Variants in OSGIN1 observed in about 807,000 individuals in gnomAD.
The protein encoded by OSGIN1 is oxidative stress-induced growth inhibitor 1.
In OSGIN1, 19 loss-of-function variants were observed where a neutral mutation model predicts 20.1. The ratio of observed to expected loss-of-function variants is 0.95; its 90% confidence interval spans 0.66 to 1.39. The LOEUF is 1.39. Ranked by LOEUF, OSGIN1 falls within the 40% of genes most tolerant of loss-of-function variation. OSGIN1 has a pLI of 0.00. For synonymous variants in OSGIN1, 368 were observed against 297.8 expected (o/e 1.24, Z -2.43); for missense variants, 820 against 653.0 (o/e 1.26, Z -2.79).
At chr16:83,962,332 A>G (rs999435278) in intron 5 of OSGIN1, among the ~76,000 whole-genome samples, 4 of 152,108 alleles carry the variant, frequency 2.6e-5, no homozygotes, top group African/African-American at 7.2e-5. Context: ...TCCGCCTCCC[A>G]GGTTCAAGCC....
chr16:83,957,702 G>T lies in OSGIN1; in HGVS notation c.31G>T (p.Ala11Ser), dbSNP rs781547435. Reference protein sequence around the residue: MSSSRKDHLGASSSEPLPVII... With the variant: MSSSRKDHLGSSSSEPLPVII... ...CTCCTCCAGAAAGGACCACCTCGGC[G>T]CCAGCAGCTCAGAGCCCCTCCCGGT... The change falls in exon 2 of 6, where the codon GCC becomes TCC. Residue 11 changes from alanine (A) to serine (S), a missense_variant. Transcript: ENST00000393306. 1 of 1,605,986 alleles carries T rather than the reference G, an allele frequency of 6.2e-7. No individual in the cohort carries two copies. Among genetic ancestry groups the T allele is most frequent in the Non-Finnish European group, 8.5e-7 (1 of 1,176,030 alleles).
intron 1 of OSGIN1, among the ~76,000 whole-genome samples, chr16:83,956,308 C>G (rs1164164444): frequency 1.3e-5 from 2 of 152,226 alleles, no homozygotes; most frequent in Non-Finnish European, 2.9e-5. Context: ...GTTTGGTTGG[C>G]CTTTTAAGCA....
chr16:83,955,675 A>G (rs1346817187), intron 1 of OSGIN1, among the ~76,000 whole-genome samples: 2 of 152,230 alleles, frequency 1.3e-5, no homozygotes, highest in African/African-American at 2.4e-5. Context: ...AATGTCAGCC[A>G]CATGCTGTCT....
At chr16:83,954,471 A>C (rs1461537064) in intron 1 of OSGIN1, 1 of 152,278 alleles carries the variant, frequency 6.6e-6, no homozygotes, top group Non-Finnish European at 1.5e-5. Flanking sequence ...TAACATTAAA[A>C]ATTGATTCTT....
At chr16:83,961,110 G>A (rs768350181) in intron 5 of OSGIN1, 38 bp downstream of exon 5, 3 of 1,524,928 alleles carry the variant, frequency 2.0e-6, no homozygotes, top group South Asian at 2.2e-5. Context: ...GACACGGAAG[G>A]TTGGGCCTGT....
In OSGIN1 at chr16:83,965,281, G is replaced by A. The variant is rs369018666; in HGVS notation, c.708G>A (p.Ser236=). Residue 236 remains serine, a synonymous_variant, in exon 6 of 6, where the codon TCG becomes TCA. Transcript: ENST00000393306. ...GGAACCAGGCCCAGCAGCCCTTCTC[G>A]CTGTGGGCCCGCAACGTGGTCCTCG... ...LTRNQAQQPF[S]LWARNVVLAT... The A allele has an allele frequency of 9.3e-6, 15 of 1,604,872 alleles. No individual in the cohort carries two copies. Among genetic ancestry groups the A allele is most frequent in the Admixed American group, 8.4e-5 (5 of 59,604 alleles).
chr16:83,963,022 C>G (rs1407572801), intron 5 of OSGIN1, among the ~76,000 whole-genome samples: 3 of 152,148 alleles, frequency 2.0e-5, no homozygotes, highest in African/African-American at 7.2e-5. Flanking sequence ...TGAGAAGCTG[C>G]CCCAGCGCAG....
rs141669973 is a variant in OSGIN1 at position 83,959,990 on chromosome 16, C to T, written c.205-579C>T. On this transcript the variant is annotated intron_variant, in intron 3 of 5. Coordinates refer to ENST00000393306, the MANE Select transcript of OSGIN1 (RefSeq NM_182981.3). ...CTTCCACTGTGCTCCTCCACGACCT[C>T]CCCTTGTCGACCTCCCTCGTCAGGC... 8.5e-3 allele frequency among the ~76,000 whole-genome samples: 1,299 copies of T among 152,348 alleles called. 59 individuals are homozygous for T. The highest frequency in any genetic ancestry group is 0.075 in the Admixed American group (1,154 of 15,304).
intron 2 of OSGIN1, among the ~76,000 whole-genome samples, chr16:83,958,452 G>T (rs1019511508): frequency 2.0e-4 from 31 of 152,302 alleles, no homozygotes; most frequent in African/African-American, 7.0e-4. Context: ...CCTGTCCTCT[G>T]TCTGCACAAA....
chr16:83,959,229 A>T (rs1567655811), intron 2 of OSGIN1, 31 bp from the exon 3 acceptor site: 1 of 1,596,316 alleles, frequency 6.3e-7, no homozygotes, highest in Non-Finnish European at 8.6e-7. Context: ...TGAAAAGGCC[A>T]CCCCCTTTAA....
In OSGIN1 at chr16:83,960,977, G is replaced by T; in HGVS notation, c.397-4G>T. Reference sequence around the variant, plus strand: ...CCTGGACCAAAGGGTTCCTTTCCCTGCAGTCCATCGAAGGCTCCATGGTGA... The same window carrying T: ...CCTGGACCAAAGGGTTCCTTTCCCTTCAGTCCATCGAAGGCTCCATGGTGA... On this transcript the variant is annotated splice_polypyrimidine_tract_variant and splice_region_variant and intron_variant, in intron 4 of 5. Transcript: ENST00000393306. The T allele has an allele frequency of 6.2e-7, 1 of 1,612,862 alleles. No homozygotes were observed. The highest frequency in any genetic ancestry group is 8.5e-7 in the Non-Finnish European group (1 of 1,179,328).
intron 1 of OSGIN1, 74 bp from the exon 2 acceptor site, chr16:83,957,566 G>A (rs1908991299): frequency 1.3e-6 from 1 of 778,754 alleles, no homozygotes; most frequent in Non-Finnish European, 2.2e-6. Flanking sequence ...CACCCTAGCT[G>A]GGAGGTGAAG....
At chr16:83,963,184 G>T (rs2084235312) in intron 5 of OSGIN1, among the ~76,000 whole-genome samples, 1 of 152,190 alleles carries the variant, frequency 6.6e-6, no homozygotes, top group South Asian at 2.1e-4. Context: ...ATGTTTGGCA[G>T]GAAGACTTCC....
At position 83,965,911 on chromosome 16, in the gene OSGIN1, G is replaced by A. The variant is rs1333245737; in HGVS notation, c.1338G>A (p.Gly446=). ...GCCAGGAGGGCCTGTACGCCATGGG[G>A]CCGCTGGCCGGGGACAACTTCGTGA... ...STRQEGLYAM[G]PLAGDNFVRF... is the part of the protein sequence containing the mutation. Residue 446 remains glycine (G), a synonymous_variant, in exon 6 of 6, where the codon GGG becomes GGA. Transcript: ENST00000393306. The A allele has an allele frequency of 3.1e-6, 5 of 1,612,806 alleles. No homozygotes were observed. The highest frequency in any genetic ancestry group is 1.7e-4 in the Middle Eastern group (1 of 6,060).
intron 1 of OSGIN1, among the ~76,000 whole-genome samples, chr16:83,956,484 T>C (rs3759964): frequency 0.17 from 25,828 of 152,104 alleles, 2,451 homozygotes; most frequent in Middle Eastern, 0.26. Context: ...CCCACTTGAG[T>C]GTGACACCTG....
At chr16:83,958,997 C>T (rs1478736085) in intron 2 of OSGIN1, among the ~76,000 whole-genome samples, 2 of 152,152 alleles carry the variant, frequency 1.3e-5, no homozygotes, top group African/African-American at 4.8e-5. Flanking sequence ...GTGGCACTTA[C>T]CTCGCTAAAG....
At chr16:83,963,548 T>C (rs1053356057) in intron 5 of OSGIN1, among the ~76,000 whole-genome samples, 1 of 152,096 alleles carries the variant, frequency 6.6e-6, no homozygotes, top group Non-Finnish European at 1.5e-5. Context: ...TTATTATAAA[T>C]AACTCTGCAC....
At chr16:83,958,806 G>A (rs373345286) in intron 2 of OSGIN1, among the ~76,000 whole-genome samples, 33 of 152,306 alleles carry the variant, frequency 2.2e-4, no homozygotes, top group East Asian at 7.7e-4. Context: ...GTAGCAATCT[G>A]TGCTACATTC....
rs185295869 is a variant in OSGIN1, at chr16:83,960,986, C to G, written c.402C>G (p.Ile134Met). The G allele has an allele frequency of 2.5e-6, 4 of 1,613,162 alleles. No individual in the cohort carries two copies. The highest frequency in any genetic ancestry group is 3.3e-5 in the Admixed American group (2 of 60,022). ...AAGGGTTCCTTTCCCTGCAGTCCAT[C>G]GAAGGCTCCATGGTGATCCTGAGCC... ...RNLPGGAWHSIEGSMVILSQG... is the reference protein window; with the variant it reads ...RNLPGGAWHSMEGSMVILSQG... Residue 134 changes from isoleucine to methionine, a missense_variant, in exon 5 of 6, where the codon ATC becomes ATG. Transcript: ENST00000393306.
Sources: gnomAD v4.1 joint callset for allele counts (sites outside exome capture counted in the v4.1 genomes callset) on GRCh38, gnomAD v4.1.1 for gene constraint, MANE v1.5 for transcripts, NCBI Gene and HGNC (gene_info 2026-07-23, HGNC 2026-07-21) for gene names.